ACAT1: variants seen among roughly 807,000 people sequenced by gnomAD.
ACAT1 encodes the protein acetyl-CoA acetyltransferase, mitochondrial.
In ACAT1, 28 loss-of-function variants were observed where a neutral mutation model predicts 47.3. The ratio of observed to expected loss-of-function variants is 0.59; its 90% CI spans 0.44 to 0.81. The LOEUF (loss-of-function observed/expected upper bound fraction) is 0.81. Ranked by LOEUF, ACAT1 falls within the 30% of genes least tolerant of loss-of-function variation. ACAT1 has a pLI of 0.00. For missense variants in ACAT1, 469 were observed against 524.3 expected, an observed-to-expected ratio of 0.89 and a Z score of 1.03; for synonymous variants, 181 against 173.6, an observed-to-expected ratio of 1.04 and a Z score of -0.34.
chr11:108,142,528 T>C lies in ACAT1; in HGVS notation c.918T>C (p.Val306=). The change falls in exon 9 of 12, where the codon GTT becomes GTC. Residue 306 remains valine, a synonymous_variant. Transcript: ENST00000265838. Reference sequence around the variant, plus strand: ...CAGATGCAGCGAAGAGGCTCAATGTTACACCACTGGCAAGAATAGTAGGTA... The same window carrying C: ...CAGATGCAGCGAAGAGGCTCAATGTCACACCACTGGCAAGAATAGTAGGTA... ...MTADAAKRLN[V]TPLARIVAFA... is the part of the protein sequence containing the mutation. 1 of 1,614,140 alleles carries C rather than the reference T, an allele frequency of 6.2e-7. No homozygotes were observed. The highest frequency in any genetic ancestry group is 8.5e-7 in the Non-Finnish European group (1 of 1,180,002).
chr11:108,139,742 C>A (rs1051164907), intron 6 of ACAT1, among the ~76,000 whole-genome samples: 10 of 152,194 alleles, frequency 6.6e-5, no homozygotes, highest in East Asian at 1.9e-4. Context: ...CTCACTGCAG[C>A]CTCCGCCTCC....
chr11:108,121,487 A>T, upstream of ACAT1: 1 of 1,150,666 alleles, frequency 8.7e-7, no homozygotes, highest in South Asian at 1.3e-5. Flanking sequence ...CCGCCGACTG[A>T]GAGGCGACTA....
At chr11:108,142,390 T>G in intron 8 of ACAT1, 47 bp from the exon 9 acceptor site, 1 of 1,417,522 alleles carries the variant, frequency 7.1e-7, no homozygotes, top group Non-Finnish European at 9.9e-7. Flanking sequence ...ACCAAATACA[T>G]TTATTGTGAA....
intron 6 of ACAT1, 154 bp from the exon 7 acceptor site, chr11:108,139,911 A>C (rs1019586581): frequency 2.3e-6 from 2 of 861,430 alleles, no homozygotes; most frequent in Non-Finnish European, 3.5e-6. Flanking sequence ...TTGGCCCCCC[A>C]AAGTGCTGGG....
upstream of ACAT1, chr11:108,121,285 T>C (rs2077142253): frequency 4.2e-6 from 2 of 479,074 alleles, no homozygotes; most frequent in East Asian, 7.9e-5. Flanking sequence ...AATCGAAAAA[T>C]CTCGGATTAC....
At chr11:108,139,663 T>TA (rs2077547498) in intron 6 of ACAT1, among the ~76,000 whole-genome samples, 1 of 151,922 alleles carries the variant, frequency 6.6e-6, no homozygotes, top group African/African-American at 2.4e-5. Flanking sequence ...TATATATATG[T>TA]TATTATTATT....
At position 108,131,718 on chromosome 11, in the gene ACAT1, T is replaced by C. The variant is rs7938367; in HGVS notation, c.73-189T>C. Among the ~76,000 whole-genome samples, 151,366 of 152,212 alleles carry C rather than the reference T, an allele frequency of 0.99. 75,267 individuals carry two copies. The highest frequency in any genetic ancestry group is 1 in the Middle Eastern group (294 of 294). On this transcript the variant is annotated intron_variant, in intron 1 of 11. Coordinates refer to ENST00000265838, the MANE Select transcript of ACAT1 (RefSeq NM_000019.4). ...CGTACATTTCCAATGAATAGTTAATTAGAAAAGTTTATTATAAAGCAGTCA... is the reference window on the plus strand; with the variant it reads ...CGTACATTTCCAATGAATAGTTAATCAGAAAAGTTTATTATAAAGCAGTCA...
Position 108,140,189 on chromosome 11 carries a change from T to C in ACAT1, c.704T>C (p.Val235Ala), listed in dbSNP as rs1368215118. Residue 235 changes from valine (V) to alanine (A), a missense_variant, in exon 7 of 12, where the codon GTT becomes GCT. Physicochemically the swap from Val to Ala is moderately conservative, Grantham distance 64. Transcript: ENST00000265838. ...GAAGCTGGGAAATTTGGAAATGAAG[T>C]TATTCCTGTCACAGTTACAGTAAAA... ...AWEAGKFGNE[V>A]IPVTVTVKGQ... is the part of the protein sequence containing the mutation. 6.2e-7 allele frequency: 1 copy of C among 1,614,030 alleles called. No individual in the cohort carries two copies. The highest frequency in any genetic ancestry group is 1.3e-5 in the African/African-American group (1 of 74,926).
intron 7 of ACAT1, among the ~76,000 whole-genome samples, chr11:108,140,583 G>A (rs2077565759): frequency 6.6e-6 from 1 of 152,210 alleles, no homozygotes; most frequent in Admixed American, 6.5e-5. Context: ...GGAACTGGGT[G>A]TTCACTACTA....
intron 9 of ACAT1, 26 bp from the exon 10 acceptor site, chr11:108,143,957 A>G (rs537488563): frequency 3.4e-6 from 3 of 874,988 alleles, no homozygotes; most frequent in Non-Finnish European, 5.1e-6. Flanking sequence ...GATTTTAACA[A>G]CCCCCCCCCC....
At position 108,140,197 on chromosome 11, in the gene ACAT1, G is replaced by T; in HGVS notation, c.712G>T (p.Val238Phe). 1.9e-6 allele frequency: 3 copies of T among 1,614,124 alleles called. No individual in the cohort carries two copies. Among genetic ancestry groups the T allele is most frequent in the Non-Finnish European group, 2.5e-6 (3 of 1,180,024 alleles). ...AGKFGNEVIP[V>F]TVTVKGQPDV... ...GAAATTTGGAAATGAAGTTATTCCT[G>T]TCACAGTTACAGTAAAAGGTAGAGA... Residue 238 changes from valine to phenylalanine, a missense_variant, in exon 7 of 12, where the codon GTC becomes TTC. Transcript: ENST00000265838.
At chr11:108,140,242 A>G in intron 7 of ACAT1, 27 bp downstream of exon 7, 1 of 1,612,480 alleles carries the variant, frequency 6.2e-7, no homozygotes, top group Non-Finnish European at 8.5e-7. Flanking sequence ...AAAAAGGATG[A>G]ATAGACTTTT....
In ACAT1 at chr11:108,141,630, A is replaced by T; in HGVS notation, c.756A>T (p.Glu252Asp). Residue 252 changes from glutamate (E) to aspartate (D), a missense_variant, in exon 8 of 12, where the codon GAA becomes GAT. Physicochemically the swap from Glu to Asp is conservative, Grantham distance 45. Transcript: ENST00000265838. ...VKGQPDVVVK[E>D]DEEYKRVDFS... is the part of the protein sequence containing the mutation. Reference sequence around the variant, plus strand: ...GTCAACCAGATGTAGTGGTGAAAGAAGATGAAGAATATAAACGTGTTGATT... The same window carrying T: ...GTCAACCAGATGTAGTGGTGAAAGATGATGAAGAATATAAACGTGTTGATT... 1 of 1,613,360 alleles carries T rather than the reference A, an allele frequency of 6.2e-7. No individual in the cohort carries two copies. Among genetic ancestry groups the T allele is most frequent in the Non-Finnish European group, 8.5e-7 (1 of 1,179,752 alleles).
At position 108,141,650 on chromosome 11, in the gene ACAT1, T is replaced by A. The variant is rs746059964; in HGVS notation, c.776T>A (p.Val259Asp). ...AAAGAAGATGAAGAATATAAACGTG[T>A]TGATTTTAGCAAAGTTCCAAAGCTG... ...VVKEDEEYKR[V>D]DFSKVPKLKT... Residue 259 changes from valine (V) to aspartate (D), a missense_variant, in exon 8 of 12, where the codon GTT (valine) becomes GAT (aspartate). Transcript: ENST00000265838. The A allele has an allele frequency of 6.2e-7, 1 of 1,613,672 alleles. No homozygotes were observed. The highest frequency in any genetic ancestry group is 1.1e-5 in the South Asian group (1 of 91,080).
rs759608984 is a variant in ACAT1 at position 108,121,575 on chromosome 11, C to T, written c.-32C>T. 1.3e-6 allele frequency: 2 copies of T among 1,548,350 alleles called. No homozygotes were observed. Among genetic ancestry groups the T allele is most frequent in the Non-Finnish European group, 8.7e-7 (1 of 1,145,350 alleles). On this transcript the variant is annotated 5_prime_UTR_variant, in exon 1 of 12. Coordinates refer to ENST00000265838, the MANE Select transcript of ACAT1 (RefSeq NM_000019.4). Reference sequence around the variant, plus strand: ...TTGGGGAGGAGGCCGCTAGTCTACGCCTGTGGAGCCGATACTCAGCCCTCT... The same window carrying T: ...TTGGGGAGGAGGCCGCTAGTCTACGTCTGTGGAGCCGATACTCAGCCCTCT...
In ACAT1 at chr11:108,121,662, T is replaced by G; in HGVS notation, c.56T>G (p.Leu19Arg). ...GGCGCCCGCAGCCGCAGCCCCCTGC[T>G]CCGGAGGCTGGTGCAGGTGAGCGGG... Reference protein sequence around the residue: ...RSGARSRSPLLRRLVQEIRYV... With the variant: ...RSGARSRSPLRRRLVQEIRYV... The change falls in exon 1 of 12, where the codon CTC (leucine) becomes CGC (arginine). Residue 19 changes from leucine (L) to arginine (R), a missense_variant. Transcript: ENST00000265838. The G allele has an allele frequency of 1.3e-6, 2 of 1,549,248 alleles. No individual in the cohort carries two copies. Among genetic ancestry groups the G allele is most frequent in the Non-Finnish European group, 1.7e-6 (2 of 1,147,114 alleles).
At chr11:108,141,991 C>A (rs187905557) in intron 8 of ACAT1, among the ~76,000 whole-genome samples, 2 of 151,968 alleles carry the variant, frequency 1.3e-5, no homozygotes, top group Admixed American at 1.3e-4. Context: ...AATTTATATA[C>A]CATAATAACA....
In ACAT1 at chr11:108,136,298, G is replaced by C. The variant is rs543498272; in HGVS notation, c.435+1056G>C. 123 of 406,504 alleles carry C rather than the reference G, an allele frequency of 3.0e-4. No individual in the cohort carries two copies. The Middle Eastern group carries it at 3.8e-3, about 13-fold the overall frequency. 25.2% of individuals were successfully genotyped at this position (406,504 alleles called of 1,614,324 possible). A position where few individuals can be genotyped will look rare whatever the true frequency, so the allele number is the denominator to read the frequency against. On this transcript the variant is annotated intron_variant, in intron 5 of 11. Coordinates refer to ENST00000265838, the MANE Select transcript of ACAT1 (RefSeq NM_000019.4). ...AAAACATTTAAAAAAATCTGTACAT[G>C]TGCAGGTCTCTGTTGGAAAAATGCC...
chr11:108,137,268 AG>A (rs1474379685), intron 5 of ACAT1, among the ~76,000 whole-genome samples: 1 of 152,162 alleles, frequency 6.6e-6, no homozygotes, highest in Non-Finnish European at 1.5e-5. Flanking sequence ...GAAAGTGCAG[AG>A]GTATGTGTGT....
Sources: allele counts gnomAD v4.1 joint callset (sites outside exome capture counted in the v4.1 genomes callset), GRCh38; gene constraint gnomAD v4.1.1; transcripts MANE v1.5; gene names NCBI Gene and HGNC (gene_info 2026-07-23, HGNC 2026-07-21).